POLA1: variants seen among roughly 807,000 people sequenced by gnomAD.
The protein encoded by POLA1 is DNA polymerase alpha 1, catalytic subunit.
In POLA1, 15 loss-of-function variants were observed where a neutral mutation model predicts 124.0. The observed-to-expected ratio is 0.12, with a 90% CI of 0.08 to 0.19. The LOEUF is 0.19. Among genes scored for constraint, POLA1 ranks in the 10% least tolerant of loss-of-function variants. The probability of loss-of-function intolerance (pLI) is 1.00; values close to 1 mark genes in which losing one functional copy is unlikely to be tolerated. For missense variants in POLA1, 886 were observed against 1,103.4 expected, an observed-to-expected ratio of 0.80 and a Z score of 2.79; for synonymous variants, 408 against 389.4, an observed-to-expected ratio of 1.05 and a Z score of -0.56.
At chrX:24,769,878 C>T (rs922832038) in intron 26 of POLA1, among the ~76,000 whole-genome samples, 4 of 111,782 alleles carry the variant, frequency 3.6e-5, no homozygotes, top group Admixed American at 9.5e-5. Flanking sequence ...TGCAGCCCTG[C>T]GGGTGGGGGC....
chrX:24,759,196 A>G (rs1402480655), intron 26 of POLA1, among the ~76,000 whole-genome samples: 1 of 112,168 alleles, frequency 8.9e-6, no homozygotes, highest in Admixed American at 9.4e-5. Flanking sequence ...GAATTTCCTT[A>G]TTCTCAATCC....
intron 4 of POLA1, among the ~76,000 whole-genome samples, chrX:24,713,759 G>A (rs1929636633): frequency 8.9e-6 from 1 of 112,621 alleles, no homozygotes; most frequent in African/African-American, 3.2e-5. Context: ...GTGCTGTTTA[G>A]TGTTGATATG....
chrX:24,966,592 G>A (rs1782310233), intron 36 of POLA1, among the ~76,000 whole-genome samples: 1 of 112,309 alleles, frequency 8.9e-6, no homozygotes, highest in African/African-American at 3.2e-5. Context: ...CTGAGTGCAT[G>A]TTTGTAAGAG....
chrX:24,708,244 A>T (rs1317912293), intron 4 of POLA1, among the ~76,000 whole-genome samples: 2 of 111,186 alleles, frequency 1.8e-5, no homozygotes, highest in African/African-American at 3.3e-5. Context: ...CCTGAATTTT[A>T]TATACTAAAC....
chrX:24,806,529 T>A (rs1401775736), intron 26 of POLA1, among the ~76,000 whole-genome samples: 1 of 111,132 alleles, frequency 9.0e-6, no homozygotes, highest in Non-Finnish European at 1.9e-5. Context: ...GGTTGTCTTG[T>A]ATAGAATGGG....
chrX:24,811,502 A>T (rs1361799552), intron 28 of POLA1, among the ~76,000 whole-genome samples: 1 of 108,913 alleles, frequency 9.2e-6, no homozygotes, highest in Non-Finnish European at 1.9e-5. Context: ...GTTGGCCAGG[A>T]TGGTCTTGAT....
At chrX:24,767,115 C>T (rs1293150109) in intron 26 of POLA1, among the ~76,000 whole-genome samples, 1 of 111,717 alleles carries the variant, frequency 9.0e-6, no homozygotes, top group Non-Finnish European at 1.9e-5. Flanking sequence ...ATGGAGATTG[C>T]TGCTATAATC....
intron 1 of POLA1, among the ~76,000 whole-genome samples, chrX:24,698,717 G>T (rs997178642): frequency 1.8e-5 from 2 of 110,996 alleles, no homozygotes; most frequent in Non-Finnish European, 3.8e-5. Flanking sequence ...GCAATGGTGC[G>T]ATCTCAGCTC....
intron 36 of POLA1, among the ~76,000 whole-genome samples, chrX:24,930,755 T>A (rs1284562013): frequency 1.8e-5 from 2 of 112,244 alleles, no homozygotes; most frequent in African/African-American, 6.5e-5. Context: ...CTGTTTCACA[T>A]TGTCCTCTAT....
intron 36 of POLA1, among the ~76,000 whole-genome samples, chrX:24,970,512 AACAG>A (rs1304122210): frequency 1.8e-5 from 2 of 112,025 alleles, no homozygotes; most frequent in African/African-American, 6.5e-5. Context: ...CATCAGAGTG[AACAG>A]ACAATCTACA....
Position 24,748,559 on chromosome X carries a change from T to C in POLA1, c.2841+99T>C. 1.6e-5 allele frequency: 12 copies of C among 752,107 alleles called. No individual in the cohort carries two copies. In the South Asian group the frequency reaches 3.1e-4, roughly 20 times the overall value. The allele number at this position is 752,107 out of a possible 1,213,427, so 62.0% of individuals were successfully genotyped here. On this transcript the variant is annotated intron_variant, in intron 25 of 36. Coordinates refer to ENST00000379068, the MANE Select transcript of POLA1 (RefSeq NM_001330360.2). ...GATGCTGGGCAATTGCAGGTACTTA[T>C]TTTAAGTTTGTGGATAGGTGACCAT...
intron 20 of POLA1, among the ~76,000 whole-genome samples, chrX:24,740,452 C>T (rs1411221156): frequency 9.0e-6 from 1 of 111,616 alleles, no homozygotes; most frequent in Non-Finnish European, 1.9e-5. Context: ...TTGCCCTTAC[C>T]CCCTTGTGGT....
chrX:24,742,525 A>G (rs1474424357), intron 22 of POLA1, among the ~76,000 whole-genome samples: 1 of 112,383 alleles, frequency 8.9e-6, no homozygotes, highest in Non-Finnish European at 1.9e-5. Flanking sequence ...GGTCACCCAC[A>G]GTCAGGTTTC....
At chrX:24,902,748 A>G (rs932343845) in intron 35 of POLA1, among the ~76,000 whole-genome samples, 2 of 111,795 alleles carry the variant, frequency 1.8e-5, no homozygotes. Flanking sequence ...TATAATGACA[A>G]CCACACAGTT....
At position 24,748,454 on chromosome X, in the gene POLA1, T is replaced by C. The variant is rs761693361; in HGVS notation, c.2835T>C (p.Ile945=). ...MKQQDLNPDL[I]LQYDIRQKAL... Reference sequence around the variant, plus strand: ...AGCAAGACTTAAATCCAGACCTTATTCTTCAGGTATATCTTTTCACTAAGA... The same window carrying C: ...AGCAAGACTTAAATCCAGACCTTATCCTTCAGGTATATCTTTTCACTAAGA... The change falls in exon 25 of 37, where the codon ATT becomes ATC. Residue 945 remains isoleucine, a synonymous_variant. Coordinates refer to ENST00000379068, the MANE Select transcript of POLA1 (RefSeq NM_001330360.2). 5 of 1,185,354 alleles carry C rather than the reference T, an allele frequency of 4.2e-6. No homozygotes were observed. Among genetic ancestry groups the C allele is most frequent in the African/African-American group, 1.7e-5 (1 of 57,143 alleles).
chrX:24,938,140 A>G, intron 36 of POLA1, among the ~76,000 whole-genome samples: 1 of 112,721 alleles, frequency 8.9e-6, no homozygotes, highest in South Asian at 3.7e-4. Context: ...AAGGCCGGGC[A>G]CAGTGGCTCA....
At chrX:24,837,734 G>A (rs1453243474) in intron 32 of POLA1, among the ~76,000 whole-genome samples, 1 of 111,405 alleles carries the variant, frequency 9.0e-6, no homozygotes, top group African/African-American at 3.3e-5. Flanking sequence ...TCACTCAATG[G>A]GATTCTGTTA....
intron 36 of POLA1, among the ~76,000 whole-genome samples, chrX:24,932,179 G>A (rs1162971803): frequency 1.8e-5 from 2 of 112,874 alleles, no homozygotes; most frequent in Non-Finnish European, 3.7e-5. Context: ...GATTACAGGC[G>A]TGAGCCACTG....
chrX:24,858,120 A>G (rs1045337394), intron 34 of POLA1, among the ~76,000 whole-genome samples: 3 of 112,467 alleles, frequency 2.7e-5, no homozygotes, highest in Admixed American at 9.4e-5. Context: ...TTGGAAAGCA[A>G]AAATAACCAT....
Sources: allele counts gnomAD v4.1 joint callset (sites outside exome capture counted in the v4.1 genomes callset), GRCh38; gene constraint gnomAD v4.1.1; transcripts MANE v1.5; gene names NCBI Gene and HGNC (gene_info 2026-07-23, HGNC 2026-07-21).